Variants in KIF3B observed in about 807,000 individuals in gnomAD.
KIF3B encodes kinesin family member 3B.
A neutral mutation model predicts 74.3 loss-of-function variants in KIF3B; 38 were observed. The observed-to-expected ratio is 0.51, with a 90% CI of 0.39 to 0.67. The LOEUF (loss-of-function observed/expected upper bound fraction) is 0.67. KIF3B is among the 30% of genes least tolerant of loss of function. The pLI is 0.00. For synonymous variants in KIF3B, 326 were observed against 342.5 expected (o/e 0.95, Z 0.53); for missense variants, 649 against 932.0 (o/e 0.70, Z 3.95).
At chr20:32,281,538 G>A (rs2047642896) in intron 1 of KIF3B, among the ~76,000 whole-genome samples, 3 of 152,196 alleles carry the variant, frequency 2.0e-5, no homozygotes, top group South Asian at 4.1e-4. Flanking sequence ...GTGCTGGGGT[G>A]AAATCCCATC....
chr20:32,283,700 C>T (rs2047654771), intron 1 of KIF3B, among the ~76,000 whole-genome samples: 1 of 151,824 alleles, frequency 6.6e-6, no homozygotes, highest in African/African-American at 2.4e-5. Context: ...GTCCCAGCTA[C>T]TTCGGAGGCT....
At chr20:32,295,233 G>C (rs2047711022) in intron 1 of KIF3B, among the ~76,000 whole-genome samples, 1 of 152,042 alleles carries the variant, frequency 6.6e-6, no homozygotes, top group South Asian at 2.1e-4. Context: ...GGGACATTTT[G>C]AAACTTTTTA....
chr20:32,323,045 TA>T (rs1290997336), intron 5 of KIF3B, among the ~76,000 whole-genome samples: 2 of 94,156 alleles, frequency 2.1e-5, no homozygotes, highest in Non-Finnish European at 3.6e-5. Flanking sequence ...TATTTATATT[TA>T]TATATATTTA....
chr20:32,294,235 A>G (rs2047706194), intron 1 of KIF3B, among the ~76,000 whole-genome samples: 1 of 152,196 alleles, frequency 6.6e-6, no homozygotes, highest in Admixed American at 6.6e-5. Context: ...CCCTGCCTAA[A>G]TAAATGCTTT....
chr20:32,287,235 CA>C (rs2047671239), intron 1 of KIF3B, among the ~76,000 whole-genome samples: 2 of 151,960 alleles, frequency 1.3e-5, no homozygotes, highest in Admixed American at 6.6e-5. Flanking sequence ...AGGCTGGTCT[CA>C]AACTCCTAGG....
intron 5 of KIF3B, among the ~76,000 whole-genome samples, chr20:32,322,690 T>A (rs28796005): frequency 1.5e-4 from 8 of 53,654 alleles, no homozygotes; most frequent in African/African-American, 6.5e-4. Flanking sequence ...TTATATATAT[T>A]TATATATATT....
chr20:32,325,623 G>A (rs1455031942), intron 5 of KIF3B, among the ~76,000 whole-genome samples: 1 of 128,456 alleles, frequency 7.8e-6, no homozygotes, highest in African/African-American at 2.8e-5. Flanking sequence ...TTTCTAAGGA[G>A]TCTATTTTCA....
In KIF3B at chr20:32,331,379, C is replaced by T. The variant is rs187778886; in HGVS notation, c.*60C>T. 1 of 1,364,570 alleles carries T rather than the reference C, an allele frequency of 7.3e-7. No individual in the cohort carries two copies. The highest frequency in any genetic ancestry group is 2.0e-5 in the Admixed American group (1 of 50,978). The allele number at this position is 1,364,570 out of a possible 1,614,324, so 84.5% of individuals were successfully genotyped here. Reference sequence around the variant, plus strand: ...TTTGCCTTCTGAGAGAAGAGACTAGCAAAAAGCTGCAGAGAGGATTCGGCC... The same window carrying T: ...TTTGCCTTCTGAGAGAAGAGACTAGTAAAAAGCTGCAGAGAGGATTCGGCC... On this transcript the variant is annotated 3_prime_UTR_variant, in exon 9 of 9. Coordinates refer to ENST00000375712, the MANE Select transcript of KIF3B (RefSeq NM_004798.4).
intron 1 of KIF3B, among the ~76,000 whole-genome samples, chr20:32,285,810 T>C (rs2047665167): frequency 6.6e-6 from 1 of 152,168 alleles, no homozygotes; most frequent in African/African-American, 2.4e-5. Context: ...GTGTGGCTTT[T>C]AGAGCGTATT....
intron 1 of KIF3B, among the ~76,000 whole-genome samples, chr20:32,304,122 C>T (rs6058635): frequency 6.6e-6 from 1 of 152,074 alleles, no homozygotes; most frequent in Admixed American, 6.6e-5. Flanking sequence ...GAGGGTAAGA[C>T]GTCTTCTGGA....
chr20:32,322,686 A>ATATTTATATTTATT (rs2047869024), intron 5 of KIF3B, among the ~76,000 whole-genome samples: 1 of 48,382 alleles, frequency 2.1e-5, no homozygotes, highest in African/African-American at 2.5e-4. Context: ...ATATTTATAT[A>ATATTTATATTTATT]TATTTATATA....
chr20:32,281,634 T>C (rs2047643394), intron 1 of KIF3B, among the ~76,000 whole-genome samples: 1 of 152,132 alleles, frequency 6.6e-6, no homozygotes, highest in South Asian at 2.1e-4. Context: ...CAAGAATTGC[T>C]TGAACCTGGG....
At chr20:32,297,193 C>T (rs2047721047) in intron 1 of KIF3B, among the ~76,000 whole-genome samples, 1 of 152,178 alleles carries the variant, frequency 6.6e-6, no homozygotes, top group African/African-American at 2.4e-5. Flanking sequence ...AACCCTGGGC[C>T]AGGCAGTTGG....
intron 1 of KIF3B, among the ~76,000 whole-genome samples, chr20:32,304,888 C>T (rs1474751415): frequency 6.6e-6 from 1 of 151,824 alleles, no homozygotes; most frequent in Non-Finnish European, 1.5e-5. Context: ...CGCCTGTAAT[C>T]CCACCACTTT....
chr20:32,280,510 C>T (rs369017363), intron 1 of KIF3B, among the ~76,000 whole-genome samples: 9 of 151,164 alleles, frequency 6.0e-5, no homozygotes, highest in Non-Finnish European at 1.2e-4. Context: ...GTCAGGAGAT[C>T]GAGACCATCC....
chr20:32,330,218 C>G lies in KIF3B; in HGVS notation c.2046C>G (p.Pro682=), dbSNP rs763242158. The G allele has an allele frequency of 3.3e-5, 53 of 1,614,018 alleles. No individual in the cohort carries two copies. The highest frequency in any genetic ancestry group is 4.0e-5 in the Non-Finnish European group (47 of 1,180,006). ...TRDYEGPAIA[P]KVQAALDAAL... ...ACTATGAGGGTCCAGCCATTGCCCC[C>G]AAGGTCCAGGCTGCATTGGATGCGG... The change falls in exon 8 of 9, where the codon CCC becomes CCG. Residue 682 remains proline (P), a synonymous_variant. Transcript: ENST00000375712.
intron 5 of KIF3B, among the ~76,000 whole-genome samples, chr20:32,324,552 G>A (rs2047893356): frequency 6.6e-6 from 1 of 152,124 alleles, no homozygotes. Flanking sequence ...AAACTCTGTA[G>A]GTAACGTTAA....
intron 8 of KIF3B, among the ~76,000 whole-genome samples, 190 bp from the exon 9 acceptor site, chr20:32,331,032 TC>T (rs2047927247): frequency 6.6e-6 from 1 of 152,190 alleles, no homozygotes; most frequent in Non-Finnish European, 1.5e-5. Context: ...TCTCTCAGGT[TC>T]CACACCTCTG....
intron 1 of KIF3B, among the ~76,000 whole-genome samples, chr20:32,308,887 T>C (rs981059913): frequency 2.6e-5 from 4 of 151,792 alleles, no homozygotes; most frequent in Non-Finnish European, 4.4e-5. Context: ...GGCTGATTTT[T>C]TGTATATTTA....
Sources: gnomAD v4.1 joint callset for allele counts (sites outside exome capture counted in the v4.1 genomes callset) on GRCh38, gnomAD v4.1.1 for gene constraint, MANE v1.5 for transcripts, NCBI Gene and HGNC (gene_info 2026-07-23, HGNC 2026-07-21) for gene names.